Variants in PLXNA4 observed in about 807,000 individuals in gnomAD.
The protein encoded by PLXNA4 is plexin-A4.
PLXNA4 carries 44 observed loss-of-function variants against 191.8 expected under a neutral mutation model. The ratio of observed to expected loss-of-function variants is 0.23; its 90% CI spans 0.18 to 0.29. The LOEUF (loss-of-function observed/expected upper bound fraction) is 0.29. PLXNA4 is among the 10% of genes least tolerant of loss of function. The probability of loss-of-function intolerance (pLI) is 1.00; values close to 1 mark genes in which losing one functional copy is unlikely to be tolerated. For missense variants in PLXNA4, 1,800 were observed against 2,488.8 expected, an observed-to-expected ratio of 0.72 and a Z score of 5.89; for synonymous variants, 1,082 against 1,009.5, an observed-to-expected ratio of 1.07 and a Z score of -1.36.
At chr7:132,431,831 T>C (rs1795274095) in intron 3 of PLXNA4, among the ~76,000 whole-genome samples, 1 of 152,216 alleles carries the variant, frequency 6.6e-6, no homozygotes, top group Non-Finnish European at 1.5e-5. Context: ...TAATGTGTGT[T>C]CAGCACAGAC....
chr7:132,406,735 G>T (rs916887271), intron 3 of PLXNA4, among the ~76,000 whole-genome samples: 5 of 152,138 alleles, frequency 3.3e-5, no homozygotes, highest in African/African-American at 1.2e-4. Context: ...AACCACACAG[G>T]TTGTTAAGAG....
intron 3 of PLXNA4, among the ~76,000 whole-genome samples, chr7:132,366,818 G>A (rs118043952): frequency 0.023 from 3,519 of 152,308 alleles, 54 homozygotes; most frequent in Non-Finnish European, 0.035. Flanking sequence ...CTGGAGTGCA[G>A]TAGTGCAATC....
At chr7:132,279,764 T>C (rs930372646) in intron 4 of PLXNA4, among the ~76,000 whole-genome samples, 4 of 152,206 alleles carry the variant, frequency 2.6e-5, no homozygotes, top group African/African-American at 9.6e-5. Flanking sequence ...CACAGTAAAC[T>C]GTCAACAAAT....
rs543225094 is a variant in PLXNA4 at position 132,557,947 on chromosome 7, G to A, written c.-87+18475C>T. Among the ~76,000 whole-genome samples the A allele has an allele frequency of 9.9e-5, 15 of 152,284 alleles. No individual in the cohort carries two copies. In the South Asian group the frequency reaches 1.0e-3, roughly 11 times the overall value. ...AGGTAGGGAGAGAGAGAGAGAGAGA[G>A]AGACAATCAAACAACCTTATGTTGG... On this transcript the variant is annotated intron_variant, in intron 1 of 31. Coordinates refer to ENST00000321063, the MANE Select transcript of PLXNA4 (RefSeq NM_020911.2).
chr7:132,496,840 G>A (rs1156961027), intron 2 of PLXNA4, among the ~76,000 whole-genome samples: 2 of 152,144 alleles, frequency 1.3e-5, no homozygotes, highest in East Asian at 1.9e-4. Context: ...CACCAGGGAT[G>A]AGTGCTCTGC....
At chr7:132,413,699 CT>C (rs1794553032) in intron 3 of PLXNA4, among the ~76,000 whole-genome samples, 1 of 152,196 alleles carries the variant, frequency 6.6e-6, no homozygotes, top group Admixed American at 6.5e-5. Context: ...CCCTCTTTTA[CT>C]TTTTAAAACT....
chr7:132,496,535 G>A (rs533452650), intron 2 of PLXNA4, among the ~76,000 whole-genome samples: 23 of 152,210 alleles, frequency 1.5e-4, no homozygotes, highest in African/African-American at 5.1e-4. Flanking sequence ...TTGAGTAGCT[G>A]GGATTACAGG....
chr7:132,202,948 G>A, intron 11 of PLXNA4, 112 bp from the exon 12 acceptor site: 3 of 1,176,280 alleles, frequency 2.6e-6, no homozygotes, highest in Non-Finnish European at 3.5e-6. Context: ...GGGGCACAAA[G>A]GCAGTTTTGC....
In PLXNA4 at chr7:132,507,827, G is replaced by A. The variant is rs749169154; in HGVS notation, c.867C>T (p.Ala289=). The A allele has an allele frequency of 3.5e-5, 57 of 1,614,180 alleles. No homozygotes were observed. The highest frequency in any genetic ancestry group is 4.8e-5 in the Non-Finnish European group (57 of 1,180,034). The part of the protein sequence containing the change: ...KLVRLCKEDT[A]FNSYVEVPIG... The stretch of plus-strand genomic sequence containing the variant: ...TGGGCACCTCTACATAGGAGTTGAA[G>A]GCTGTGTCCTCCTTGCAAAGCCTCA... Residue 289 remains alanine, a synonymous_variant, in exon 2 of 32, where the codon GCC becomes GCT. Transcript: ENST00000321063.
chr7:132,446,979 A>G (rs1292590835), intron 3 of PLXNA4, among the ~76,000 whole-genome samples: 1 of 152,030 alleles, frequency 6.6e-6, no homozygotes, highest in Admixed American at 6.5e-5. Context: ...GCGCATTTTC[A>G]TTAGGCATCT....
intron 2 of PLXNA4, among the ~76,000 whole-genome samples, chr7:132,599,841 C>T (rs1702688655): frequency 6.6e-6 from 1 of 151,712 alleles, no homozygotes; most frequent in African/African-American, 2.4e-5. Context: ...GTATTTTTAC[C>T]AGTTTAAGGA....
At chr7:132,314,868 AG>A (rs377240598) in intron 3 of PLXNA4, among the ~76,000 whole-genome samples, 57 of 152,362 alleles carry the variant, frequency 3.7e-4, no homozygotes, top group African/African-American at 1.3e-3. Context: ...CACGAAAAGA[AG>A]CCAGCAACAA....
At chr7:132,481,907 C>T (rs1325250966) in intron 3 of PLXNA4, among the ~76,000 whole-genome samples, 1 of 152,204 alleles carries the variant, frequency 6.6e-6, no homozygotes, top group Non-Finnish European at 1.5e-5. Context: ...GACTGCTTCA[C>T]AGCCTCCTGT....
intron 3 of PLXNA4, among the ~76,000 whole-genome samples, chr7:132,407,017 C>T (rs1794248515): frequency 6.6e-6 from 1 of 152,216 alleles, no homozygotes; most frequent in Admixed American, 6.5e-5. Context: ...AACCCTTCAT[C>T]TCCCAAGTCC....
rs1307370249 is a variant in PLXNA4, at chr7:132,203,389, G to A, written c.2329C>T (p.Leu777=). ...CACACGACTGTCAACTCCACGGGCA[G>A]GTTGTTGATCTCCATCCCTTCATAG... ...YSYEGMEINN[L]PVELTVVWNG... The change falls in exon 11 of 32, where the codon CTG becomes TTG. Residue 777 remains leucine, a synonymous_variant. Coordinates refer to ENST00000321063, the MANE Select transcript of PLXNA4 (RefSeq NM_020911.2). The A allele has an allele frequency of 2.5e-6, 4 of 1,614,208 alleles. No individual in the cohort carries two copies. The highest frequency in any genetic ancestry group is 2.2e-5 in the South Asian group (2 of 91,088).
rs139862956 is a variant in PLXNA4 at position 132,459,378 on chromosome 7, C to A, written c.1371+29914G>T. On this transcript the variant is annotated intron_variant, in intron 3 of 31. Transcript: ENST00000321063. ...ACCCCTTTTCTTATTTGAAATATAG[C>A]CTTCTTGATCATAATCTGTCATTCA... Among the ~76,000 whole-genome samples the A allele has an allele frequency of 2.8e-3, 420 of 152,282 alleles. 12 individuals carry two copies. The East Asian group carries it at 0.058, about 21-fold the overall frequency.
At chr7:132,251,648 C>G (rs192165784) in intron 4 of PLXNA4, among the ~76,000 whole-genome samples, 1 of 152,240 alleles carries the variant, frequency 6.6e-6, no homozygotes, top group Admixed American at 6.5e-5. Context: ...GCTGTTCAAA[C>G]CACAAAAAAA....
chr7:132,470,741 T>C lies in PLXNA4; in HGVS notation c.1371+18551A>G, dbSNP rs536087238. On this transcript the variant is annotated intron_variant, in intron 3 of 31. Coordinates refer to ENST00000321063, the MANE Select transcript of PLXNA4 (RefSeq NM_020911.2). ...CTATGAAAGAAAGGCCAAAAACATGTATCACTGCTGGCTTTGAAGACGGAG... is the reference window on the plus strand; with the variant it reads ...CTATGAAAGAAAGGCCAAAAACATGCATCACTGCTGGCTTTGAAGACGGAG... Among the ~76,000 whole-genome samples, 13 of 152,250 alleles carry C rather than the reference T, an allele frequency of 8.5e-5. No individual in the cohort carries two copies. The South Asian group carries it at 2.7e-3, about 32-fold the overall frequency.
intron 3 of PLXNA4, among the ~76,000 whole-genome samples, chr7:132,314,780 A>T (rs185600906): frequency 6.6e-6 from 1 of 152,308 alleles, no homozygotes; most frequent in East Asian, 1.9e-4. Flanking sequence ...AGACCAGGAA[A>T]AGTCATGATG....
Sources: allele counts gnomAD v4.1 joint callset (sites outside exome capture counted in the v4.1 genomes callset), GRCh38; gene constraint gnomAD v4.1.1; transcripts MANE v1.5; gene names NCBI Gene and HGNC (gene_info 2026-07-23, HGNC 2026-07-21).